Variants in WDR41 observed in about 807,000 individuals in gnomAD.
WDR41 encodes the protein WD repeat-containing protein 41.
In WDR41, 63 loss-of-function variants were observed where a neutral mutation model predicts 69.3. The observed-to-expected ratio is 0.91, with a 90% CI of 0.74 to 1.12. The LOEUF (loss-of-function observed/expected upper bound fraction) is 1.12. WDR41 is among the 50% of genes most tolerant of loss of function. The probability of loss-of-function intolerance (pLI) is 0.00; values close to 1 mark genes in which losing one functional copy is unlikely to be tolerated. For missense variants in WDR41, 543 were observed against 534.5 expected (o/e 1.02, Z -0.16); for synonymous variants, 185 against 192.1 (o/e 0.96, Z 0.31).
At chr5:77,580,779 C>T in intron 1 of WDR41, among the ~76,000 whole-genome samples, 1 of 151,726 alleles carries the variant, frequency 6.6e-6, no homozygotes, top group Admixed American at 6.6e-5. Context: ...CATCGTGAAA[C>T]CTCATCTCTA....
intron 1 of WDR41, among the ~76,000 whole-genome samples, chr5:77,551,704 G>A (rs1743299331): frequency 6.6e-6 from 1 of 151,136 alleles, no homozygotes; most frequent in Admixed American, 6.6e-5. Context: ...AAGCCTGGGC[G>A]AGGTGGCTGT....
At chr5:77,562,309 A>G (rs184631375) in intron 1 of WDR41, among the ~76,000 whole-genome samples, 58 of 152,274 alleles carry the variant, frequency 3.8e-4, no homozygotes, top group African/African-American at 1.4e-3. Flanking sequence ...TGAATGACAG[A>G]CTCTGAGATT....
intron 1 of WDR41, among the ~76,000 whole-genome samples, chr5:77,510,103 C>A (rs1415656405): frequency 6.6e-6 from 1 of 152,160 alleles, no homozygotes; most frequent in Non-Finnish European, 1.5e-5. Flanking sequence ...ATACCCAAGA[C>A]TGGGCAATTT....
intron 1 of WDR41, among the ~76,000 whole-genome samples, chr5:77,598,727 T>G (rs898273636): frequency 1.3e-5 from 2 of 151,766 alleles, no homozygotes; most frequent in Admixed American, 6.6e-5. Context: ...TGATGCAGTA[T>G]TTTTTGCTTG....
chr5:77,561,370 A>G (rs544101473), intron 1 of WDR41, among the ~76,000 whole-genome samples: 1 of 152,322 alleles, frequency 6.6e-6, no homozygotes, highest in East Asian at 1.9e-4. Context: ...AACACTTCTT[A>G]TTAACCTAGA....
intron 1 of WDR41, among the ~76,000 whole-genome samples, chr5:77,544,216 G>A (rs959027597): frequency 2.0e-5 from 3 of 146,768 alleles, no homozygotes; most frequent in Non-Finnish European, 4.6e-5. Flanking sequence ...AAATCTCATA[G>A]GACCTATAAA....
intron 4 of WDR41, among the ~76,000 whole-genome samples, chr5:77,461,290 CATAT>C (rs915091294): frequency 1.3e-5 from 2 of 152,170 alleles, no homozygotes; most frequent in East Asian, 1.9e-4. Flanking sequence ...CACAAACATA[CATAT>C]ATGTGTGTAT....
chr5:77,559,831 A>C (rs1208768266), intron 1 of WDR41, among the ~76,000 whole-genome samples: 1 of 152,088 alleles, frequency 6.6e-6, no homozygotes, highest in Admixed American at 6.5e-5. Flanking sequence ...CAGATAACAG[A>C]CCTAATTTTC....
intron 1 of WDR41, among the ~76,000 whole-genome samples, chr5:77,518,922 A>C (rs1312868589): frequency 6.6e-6 from 1 of 152,064 alleles, no homozygotes; most frequent in Non-Finnish European, 1.5e-5. Flanking sequence ...GCGACCTCCA[A>C]TAAATTGTTA....
At chr5:77,572,177 T>C (rs1743745160) in intron 1 of WDR41, among the ~76,000 whole-genome samples, 1 of 152,242 alleles carries the variant, frequency 6.6e-6, no homozygotes, top group African/African-American at 2.4e-5. Flanking sequence ...TATTGCTGCT[T>C]GTACAGCACT....
chr5:77,543,833 C>T (rs1489632968), intron 1 of WDR41, among the ~76,000 whole-genome samples: 1 of 152,098 alleles, frequency 6.6e-6, no homozygotes, highest in Non-Finnish European at 1.5e-5. Flanking sequence ...ACAAAAAGAT[C>T]ATCGCCTAGC....
chr5:77,433,348 A>G (rs371176181), intron 12 of WDR41, 61 bp from the exon 13 acceptor site: 15 of 1,483,882 alleles, frequency 1.0e-5, no homozygotes, highest in Non-Finnish European at 1.4e-5. Flanking sequence ...GTCTAATACC[A>G]CATTAACACA....
intron 1 of WDR41, among the ~76,000 whole-genome samples, chr5:77,579,495 G>A (rs1018483967): frequency 9.2e-5 from 14 of 151,978 alleles, no homozygotes; most frequent in African/African-American, 2.9e-4. Context: ...CAAAAGCAAC[G>A]GAGACCATAA....
upstream of WDR41, among the ~76,000 whole-genome samples, chr5:77,494,172 C>T (rs1310100700): frequency 6.6e-6 from 1 of 151,754 alleles, no homozygotes; most frequent in Non-Finnish European, 1.5e-5. Flanking sequence ...GTAAAATATA[C>T]ATAAATGGAA....
intron 1 of WDR41, among the ~76,000 whole-genome samples, chr5:77,596,721 T>C (rs1458645132): frequency 6.6e-6 from 1 of 152,168 alleles, no homozygotes; most frequent in African/African-American, 2.4e-5. Flanking sequence ...TATGTATTGA[T>C]TCACTCTAAA....
intron 1 of WDR41, among the ~76,000 whole-genome samples, chr5:77,508,930 T>G (rs961813019): frequency 6.6e-6 from 1 of 152,176 alleles, no homozygotes; most frequent in Non-Finnish European, 1.5e-5. Context: ...CTTCTGCCCC[T>G]TTTTTTGGTC....
chr5:77,578,176 C>T (rs1228892225), intron 1 of WDR41, among the ~76,000 whole-genome samples: 1 of 152,094 alleles, frequency 6.6e-6, no homozygotes, highest in Admixed American at 6.5e-5. Context: ...TAAGTCGAAC[C>T]ATCACAATTT....
At chr5:77,460,733 A>G (rs1017238342) in intron 4 of WDR41, among the ~76,000 whole-genome samples, 2 of 152,142 alleles carry the variant, frequency 1.3e-5, no homozygotes, top group Admixed American at 6.5e-5. Context: ...GTTTTATACA[A>G]TATTTTTGGT....
At chr5:77,460,673 C>A (rs1269688502) in intron 4 of WDR41, among the ~76,000 whole-genome samples, 1 of 147,016 alleles carries the variant, frequency 6.8e-6, no homozygotes, top group African/African-American at 2.4e-5. Flanking sequence ...AGTCTAAACA[C>A]AAAATTCATT....
Sources: gnomAD v4.1 joint callset for allele counts (sites outside exome capture counted in the v4.1 genomes callset) on GRCh38, gnomAD v4.1.1 for gene constraint, MANE v1.5 for transcripts, NCBI Gene and HGNC (gene_info 2026-07-23, HGNC 2026-07-21) for gene names.